Variants in TRIO observed in about 807,000 individuals in gnomAD.
The protein encoded by TRIO is triple functional domain protein.
A neutral mutation model predicts 351.9 loss-of-function variants in TRIO; 58 were observed. That is an observed-to-expected ratio of 0.16 (90% CI 0.13 to 0.21). The LOEUF (loss-of-function observed/expected upper bound fraction) is 0.21. Among genes scored for constraint, TRIO ranks in the 10% least tolerant of loss-of-function variants. The pLI is 1.00. For missense variants in TRIO, 3,201 were observed against 4,027.8 expected (o/e 0.79, Z 5.56); for synonymous variants, 1,758 against 1,595.7 (o/e 1.10, Z -2.42).
At chr5:14,247,586 A>T (rs906825066) in intron 1 of TRIO, among the ~76,000 whole-genome samples, 1 of 152,232 alleles carries the variant, frequency 6.6e-6, no homozygotes, top group South Asian at 2.1e-4. Context: ...TGTAGGACAC[A>T]TACATATTTG....
intron 29 of TRIO, 50 bp from the exon 30 acceptor site, chr5:14,398,830 G>T: frequency 6.6e-7 from 1 of 1,524,476 alleles, no homozygotes. Context: ...TTGTGCATCA[G>T]TTTTTATTTT....
In TRIO at chr5:14,508,315, A is replaced by G. The variant is rs1757856687; in HGVS notation, c.9187A>G (p.Thr3063Ala). 6.2e-7 allele frequency: 1 copy of G among 1,614,014 alleles called. No homozygotes were observed. Among genetic ancestry groups the G allele is most frequent in the Non-Finnish European group, 8.5e-7 (1 of 1,180,050 alleles). The change falls in exon 57 of 57, where the codon ACG (threonine) becomes GCG (alanine). Residue 3063 changes from threonine to alanine, a missense_variant. Physicochemically the swap from Thr to Ala is moderately conservative, Grantham distance 58. This residue lies in a region of TRIO where 233 missense variants were observed against 292.6 expected (regional missense o/e 0.80). Coordinates refer to ENST00000344204, the MANE Select transcript of TRIO (RefSeq NM_007118.4). Reference protein sequence around the residue: ...GNGRSTGVLDTSRLTSFIERR... With the variant: ...GNGRSTGVLDASRLTSFIERR... Reference sequence around the variant, plus strand: ...CGGCAGAAGCACGGGCGTCCTCGACACGTCCAGACTGACTTCCTTCATTGA... The same window carrying G: ...CGGCAGAAGCACGGGCGTCCTCGACGCGTCCAGACTGACTTCCTTCATTGA...
chr5:14,225,801 C>G (rs867985857), intron 1 of TRIO, among the ~76,000 whole-genome samples: 7 of 137,932 alleles, frequency 5.1e-5, no homozygotes, highest in African/African-American at 9.0e-5. Flanking sequence ...CACCCCCCCC[C>G]CCACCTCCAA....
At chr5:14,397,892 A>G (rs141157261) in intron 29 of TRIO, among the ~76,000 whole-genome samples, 20 of 152,228 alleles carry the variant, frequency 1.3e-4, no homozygotes, top group African/African-American at 4.6e-4. Flanking sequence ...TCCAGGACCC[A>G]GGCTGTGTTC....
chr5:14,403,814 G>C (rs1311466143), intron 31 of TRIO, among the ~76,000 whole-genome samples: 1 of 100,824 alleles, frequency 9.9e-6, no homozygotes, highest in African/African-American at 4.8e-5. Context: ...GAGGGTGCAG[G>C]TTGTGAGGGT....
rs1168645608 is a variant in TRIO, at chr5:14,316,502, T to G, written c.1501-11T>G. 9 of 1,613,452 alleles carry G rather than the reference T, an allele frequency of 5.6e-6. No homozygotes were observed. The highest frequency in any genetic ancestry group is 7.6e-6 in the Non-Finnish European group (9 of 1,179,828). On this transcript the variant is annotated splice_polypyrimidine_tract_variant and intron_variant, in intron 8 of 56. Transcript: ENST00000344204. ...AGATCGTGAAGAATCACTCATTTCT[T>G]TTGTGGGCAGGTCAGCCAAGATGGG...
chr5:14,311,260 G>A (rs954614010), intron 8 of TRIO, among the ~76,000 whole-genome samples: 1 of 152,216 alleles, frequency 6.6e-6, no homozygotes, highest in African/African-American at 2.4e-5. Flanking sequence ...TCCTGTTTTG[G>A]TCTTATTTTG....
At chr5:14,504,637 C>T (rs762899702) in intron 55 of TRIO, 44 bp downstream of exon 55, 1 of 1,598,884 alleles carries the variant, frequency 6.3e-7, no homozygotes, top group Admixed American at 1.7e-5. Context: ...CCTCTGCCTC[C>T]ACCTCAGGGG....
At chr5:14,305,224 C>A (rs1561316370) in intron 8 of TRIO, among the ~76,000 whole-genome samples, 4 of 152,166 alleles carry the variant, frequency 2.6e-5, no homozygotes, top group Admixed American at 2.6e-4. Flanking sequence ...CAGGGTTAGC[C>A]CAGGCAGGCA....
intron 11 of TRIO, among the ~76,000 whole-genome samples, chr5:14,343,204 T>G (rs1412242327): frequency 1.3e-5 from 2 of 152,058 alleles, no homozygotes; most frequent in African/African-American, 4.8e-5. Flanking sequence ...ACCAGGACAC[T>G]GACTTTGCTG....
chr5:14,291,788 T>TAAAAAAAAAAAA lies in TRIO; in HGVS notation c.1053+577_1053+588dup, dbSNP rs57424190. On this transcript the variant is annotated intron_variant, in intron 5 of 56. Transcript: ENST00000344204. ...TGGGCGACAGAGTGAGACTCCGTCT[T>TAAAAAAAAAAAA]AAAAAAAAAAAAAAAAAAAAAAAAA... Among the ~76,000 whole-genome samples the TAAAAAAAAAAAA allele has an allele frequency of 6.4e-3, 646 of 100,826 alleles. 6 individuals are homozygous for TAAAAAAAAAAAA. Among genetic ancestry groups the TAAAAAAAAAAAA allele is most frequent in the Non-Finnish European group, 8.6e-3 (461 of 53,426 alleles). The allele number at this position is 100,826 out of a possible 152,430, so 66.1% of individuals were successfully genotyped here.
In TRIO at chr5:14,293,006, C is replaced by T. The variant is rs377259294; in HGVS notation, c.1054-6C>T. 1.1e-5 allele frequency: 18 copies of T among 1,613,942 alleles called. No individual in the cohort carries two copies. Among genetic ancestry groups the T allele is most frequent in the Middle Eastern group, 1.6e-4 (1 of 6,062 alleles). Reference sequence around the variant, plus strand: ...TGATTGCGGGTTGTCTTTTTCCTTCCGGTAGATGTTTGACTGGATCACACA... The same window carrying T: ...TGATTGCGGGTTGTCTTTTTCCTTCTGGTAGATGTTTGACTGGATCACACA... On this transcript the variant is annotated splice_region_variant and splice_polypyrimidine_tract_variant and intron_variant, in intron 5 of 56. Transcript: ENST00000344204.
intron 34 of TRIO, among the ~76,000 whole-genome samples, chr5:14,432,681 T>A (rs1190862434): frequency 1.3e-5 from 2 of 152,250 alleles, no homozygotes; most frequent in Non-Finnish European, 2.9e-5. Flanking sequence ...TTACTCACAA[T>A]GAGCATGTTA....
At chr5:14,387,953 G>C (rs1746691035) in intron 23 of TRIO, 106 bp downstream of exon 23, 8 of 1,174,944 alleles carry the variant, frequency 6.8e-6, no homozygotes, top group Non-Finnish European at 9.8e-6. Context: ...TGGCACCCAG[G>C]CTTTTTGTTG....
chr5:14,421,346 C>G (rs1750140398), intron 34 of TRIO, among the ~76,000 whole-genome samples: 1 of 150,836 alleles, frequency 6.6e-6, no homozygotes, highest in Non-Finnish European at 1.5e-5. Context: ...ACTCACGCCT[C>G]TAATCCCAGC....
chr5:14,464,505 C>T (rs1252922836), intron 36 of TRIO, among the ~76,000 whole-genome samples: 1 of 152,174 alleles, frequency 6.6e-6, no homozygotes, highest in Non-Finnish European at 1.5e-5. Flanking sequence ...ACTTTCACTG[C>T]AGCATTATGT....
chr5:14,392,521 G>A (rs1490243506), intron 27 of TRIO, among the ~76,000 whole-genome samples: 3 of 152,178 alleles, frequency 2.0e-5, no homozygotes, highest in Admixed American at 6.5e-5. Flanking sequence ...ACAGTGTGGC[G>A]ATTCCTCAAG....
chr5:14,390,604 A>G, intron 26 of TRIO: 1 of 528,504 alleles, frequency 1.9e-6, no homozygotes, highest in Admixed American at 3.7e-5. Flanking sequence ...TCTAGAGGGG[A>G]GGCAGACAGG....
intron 10 of TRIO, among the ~76,000 whole-genome samples, chr5:14,336,148 G>A (rs1435008112): frequency 6.6e-6 from 1 of 152,120 alleles, no homozygotes; most frequent in Non-Finnish European, 1.5e-5. Flanking sequence ...GAAAGACATA[G>A]ACTGGAACTC....
Sources: allele counts gnomAD v4.1 joint callset (sites outside exome capture counted in the v4.1 genomes callset), GRCh38; gene constraint gnomAD v4.1.1; regional missense constraint gnomAD v4.1.1; transcripts MANE v1.5; gene names NCBI Gene and HGNC (gene_info 2026-07-23, HGNC 2026-07-21).